Variants in SLC30A8 observed in about 807,000 individuals in gnomAD.
SLC30A8 encodes the protein solute carrier family 30 member 8.
Under a neutral mutation model 36.9 loss-of-function variants are expected in SLC30A8, and 27 were observed. That is an observed-to-expected ratio of 0.73 (90% CI 0.54 to 1.01). SLC30A8 has a LOEUF of 1.01. SLC30A8 is among the 50% of genes least tolerant of loss of function. The probability of loss-of-function intolerance (pLI) is 0.00; values close to 1 mark genes in which losing one functional copy is unlikely to be tolerated. For missense variants in SLC30A8, 439 were observed against 452.0 expected (o/e 0.97, Z 0.26); for synonymous variants, 164 against 172.4 (o/e 0.95, Z 0.38).
chr8:117,162,692 T>A (rs559395279), intron 5 of SLC30A8, among the ~76,000 whole-genome samples: 3 of 152,180 alleles, frequency 2.0e-5, no homozygotes, highest in African/African-American at 4.8e-5. Flanking sequence ...CTAAATTCAG[T>A]TGAGCAAAAT....
At chr8:116,974,800 A>G (rs1013132425) in intron 1 of SLC30A8, among the ~76,000 whole-genome samples, 9 of 152,134 alleles carry the variant, frequency 5.9e-5, no homozygotes, top group African/African-American at 1.2e-4. Flanking sequence ...ATGTCCATCA[A>G]TGATAGACTG....
intron 1 of SLC30A8, among the ~76,000 whole-genome samples, chr8:117,005,783 T>G (rs542276974): frequency 6.6e-6 from 1 of 152,348 alleles, no homozygotes; most frequent in South Asian, 2.1e-4. Flanking sequence ...TTATGGATAG[T>G]TTTGGAAATA....
Position 117,172,997 on chromosome 8 carries a change from A to G in SLC30A8, c.*316A>G. ...AAATTCATCTCCCTTCCAATAATGC[A>G]TCTTGAGAACACATAGGTAAATTTG... is the stretch of plus-strand genomic sequence containing the variant. On this transcript the variant is annotated 3_prime_UTR_variant, in exon 8 of 8. Coordinates refer to ENST00000456015, the MANE Select transcript of SLC30A8 (RefSeq NM_173851.3). 7.2e-6 allele frequency: 2 copies of G among 278,942 alleles called. No homozygotes were observed. Among genetic ancestry groups the G allele is most frequent in the Middle Eastern group, 1.1e-3 (1 of 952 alleles). The allele number at this position is 278,942 out of a possible 1,614,324, so 17.3% of individuals were successfully genotyped here. A position where few individuals can be genotyped will look rare whatever the true frequency, so the allele number is the denominator to read the frequency against.
Position 117,146,970 on chromosome 8 carries a change from A to G in SLC30A8, c.88A>G (p.Lys30Glu). 1 of 1,613,976 alleles carries G rather than the reference A, an allele frequency of 6.2e-7. No individual in the cohort carries two copies. The highest frequency in any genetic ancestry group is 8.5e-7 in the Non-Finnish European group (1 of 1,179,946). Residue 30 changes from lysine (K) to glutamate (E), a missense_variant, in exon 2 of 8, where the codon AAA (lysine) becomes GAA (glutamate). Lys to Glu is a moderately conservative substitution (Grantham distance 56). Coordinates refer to ENST00000456015, the MANE Select transcript of SLC30A8 (RefSeq NM_173851.3). ...FTLESVELQQ[K>E]PVNKDQCPRE... The stretch of plus-strand genomic sequence containing the variant: ...CATCCATAGTGTGGAACTCCAACAG[A>G]AACCGGTGAATAAAGATCAGTGTCC...
intron 2 of SLC30A8, among the ~76,000 whole-genome samples, chr8:117,148,266 T>C (rs540905015): frequency 6.6e-6 from 1 of 152,250 alleles, no homozygotes; most frequent in Non-Finnish European, 1.5e-5. Context: ...TCACATTAGA[T>C]ATATTGTATG....
At chr8:117,035,780 C>A (rs1165503928) in intron 1 of SLC30A8, among the ~76,000 whole-genome samples, 1 of 152,196 alleles carries the variant, frequency 6.6e-6, no homozygotes, top group Admixed American at 6.5e-5. Flanking sequence ...AACCTCAGTT[C>A]TTGAATTCTG....
intron 2 of SLC30A8, among the ~76,000 whole-genome samples, chr8:117,127,091 C>T (rs1820936875): frequency 6.6e-6 from 1 of 151,940 alleles, no homozygotes; most frequent in African/African-American, 2.4e-5. Flanking sequence ...AGAGAGGCCA[C>T]TGGACCTGTC....
At chr8:117,098,908 C>G (rs541344807) in intron 2 of SLC30A8, among the ~76,000 whole-genome samples, 12 of 152,058 alleles carry the variant, frequency 7.9e-5, no homozygotes, top group Non-Finnish European at 1.5e-4. Context: ...TCATAGTTTT[C>G]TGTTACAATG....
chr8:117,001,995 A>G (rs1379404371), intron 1 of SLC30A8, among the ~76,000 whole-genome samples: 2 of 152,208 alleles, frequency 1.3e-5, no homozygotes, highest in Non-Finnish European at 2.9e-5. Context: ...TGAGCTCTCA[A>G]TAACTAATTG....
At chr8:117,056,765 T>A (rs1433096581) in intron 2 of SLC30A8, among the ~76,000 whole-genome samples, 1 of 152,192 alleles carries the variant, frequency 6.6e-6, no homozygotes, top group Non-Finnish European at 1.5e-5. Flanking sequence ...GCTTTCATGG[T>A]CTTTTTCAGA....
At chr8:116,992,088 A>C (rs1393599457) in intron 1 of SLC30A8, among the ~76,000 whole-genome samples, 1 of 152,226 alleles carries the variant, frequency 6.6e-6, no homozygotes, top group African/African-American at 2.4e-5. Context: ...TATTTGACTG[A>C]AATGCATTAA....
At position 117,171,034 on chromosome 8, in the gene SLC30A8, G is replaced by T; in HGVS notation, c.830G>T (p.Gly277Val). 4 of 1,585,834 alleles carry T rather than the reference G, an allele frequency of 2.5e-6. No individual in the cohort carries two copies. Among genetic ancestry groups the T allele is most frequent in the Middle Eastern group, 3.4e-4 (2 of 5,890 alleles). ...GCCTCCATCTCTTCCCTTTTGTCAG[G>T]TGTGCCAAAGAGCCTGAATTACAGT... ...LKDFSILLME[G>V]VPKSLNYSGV... The change falls in exon 7 of 8, where the codon GGT becomes GTT. Residue 277 changes from glycine (G) to valine (V), a missense_variant and splice_region_variant. Coordinates refer to ENST00000456015, the MANE Select transcript of SLC30A8 (RefSeq NM_173851.3).
chr8:117,148,910 T>C, intron 2 of SLC30A8, among the ~76,000 whole-genome samples: 1 of 152,238 alleles, frequency 6.6e-6, no homozygotes. Context: ...ATTATATATT[T>C]GAATTATTGT....
chr8:117,102,556 A>G (rs1226673643), intron 2 of SLC30A8, among the ~76,000 whole-genome samples: 1 of 152,278 alleles, frequency 6.6e-6, no homozygotes, highest in East Asian at 1.9e-4. Flanking sequence ...ATTCTATCCC[A>G]GTTCTGGACT....
intron 2 of SLC30A8, among the ~76,000 whole-genome samples, chr8:117,114,149 A>G (rs2130885105): frequency 6.6e-6 from 1 of 152,260 alleles, no homozygotes; most frequent in Admixed American, 6.5e-5. Flanking sequence ...CACTTAGAAC[A>G]GAAGCTCTTT....
intron 1 of SLC30A8, among the ~76,000 whole-genome samples, chr8:117,138,077 A>G (rs1485716805): frequency 1.8e-4 from 26 of 147,848 alleles, no homozygotes; most frequent in African/African-American, 3.9e-4. Flanking sequence ...AAAAAAAAAA[A>G]AAAGAAAAAG....
chr8:117,157,599 G>A, intron 3 of SLC30A8, 92 bp from the exon 4 acceptor site: 3 of 1,415,024 alleles, frequency 2.1e-6, no homozygotes, highest in East Asian at 4.6e-5. Flanking sequence ...CTTTTTGGGG[G>A]AAGTGGCAAA....
chr8:117,023,615 A>G lies in SLC30A8; in HGVS notation c.-265-15604A>G, dbSNP rs532888367. Among the ~76,000 whole-genome samples the G allele has an allele frequency of 4.0e-5, 6 of 151,884 alleles. No homozygotes were observed. The South Asian group carries it at 6.2e-4, about 16-fold the overall frequency. On this transcript the variant is annotated intron_variant, in intron 1 of 10. Coordinates refer to the SLC30A8 transcript ENST00000427715. ...AAACCATCATTCTCAGCAAACTATC[A>G]CAAGGACAAAAAACCAAACACCGCA... is the stretch of plus-strand genomic sequence containing the variant.
chr8:117,016,038 G>T (rs1251245179), intron 1 of SLC30A8, among the ~76,000 whole-genome samples: 1 of 152,110 alleles, frequency 6.6e-6, no homozygotes, highest in Admixed American at 6.5e-5. Context: ...AGCAAACGTT[G>T]GTAAGAGAGA....
Sources: allele counts gnomAD v4.1 joint callset (sites outside exome capture counted in the v4.1 genomes callset), GRCh38; gene constraint gnomAD v4.1.1; transcripts MANE v1.5; gene names NCBI Gene and HGNC (gene_info 2026-07-23, HGNC 2026-07-21).